Variants in SCLT1 observed in about 807,000 individuals in gnomAD.
The protein encoded by SCLT1 is sodium channel and clathrin linker 1.
SCLT1 carries 78 observed loss-of-function variants against 112.8 expected under a neutral mutation model. The observed-to-expected ratio is 0.69, with a 90% CI of 0.58 to 0.83. The LOEUF (loss-of-function observed/expected upper bound fraction) is 0.83. Among genes scored for constraint, SCLT1 ranks in the 40% least tolerant of loss-of-function variants. The probability of loss-of-function intolerance (pLI) is 0.00; values close to 1 mark genes in which losing one functional copy is unlikely to be tolerated. For missense variants in SCLT1, 747 were observed against 770.4 expected (o/e 0.97, Z 0.36); for synonymous variants, 257 against 254.7 (o/e 1.01, Z -0.09).
chr4:129,058,036 A>G (rs1245103078), intron 2 of SCLT1, among the ~76,000 whole-genome samples: 3 of 152,212 alleles, frequency 2.0e-5, no homozygotes, highest in Non-Finnish European at 2.9e-5. Context: ...GGCATGAGCC[A>G]TCATGCCTGG....
intron 9 of SCLT1, among the ~76,000 whole-genome samples, chr4:128,987,792 T>G (rs1742230691): frequency 6.6e-6 from 1 of 152,062 alleles, no homozygotes; most frequent in African/African-American, 2.4e-5. Flanking sequence ...AACAGAGAAC[T>G]TTCCAAACCC....
intron 18 of SCLT1, among the ~76,000 whole-genome samples, chr4:128,904,511 C>T (rs2125938923): frequency 6.6e-6 from 1 of 152,160 alleles, no homozygotes; most frequent in East Asian, 1.9e-4. Flanking sequence ...TCAGATTAGA[C>T]CATTGTTGGA....
intron 18 of SCLT1, among the ~76,000 whole-genome samples, chr4:128,896,220 A>G (rs1337313931): frequency 6.6e-6 from 1 of 152,242 alleles, no homozygotes; most frequent in African/African-American, 2.4e-5. Context: ...TGGAGATCTG[A>G]GAACAGACAG....
intron 14 of SCLT1, among the ~76,000 whole-genome samples, chr4:128,951,934 C>A (rs2126002273): frequency 6.6e-6 from 1 of 152,226 alleles, no homozygotes; most frequent in East Asian, 1.9e-4. Flanking sequence ...AAAATGTGAT[C>A]CCTCTTTCAG....
intron 2 of SCLT1, among the ~76,000 whole-genome samples, chr4:129,080,765 G>A (rs892210780): frequency 6.6e-6 from 1 of 152,086 alleles, no homozygotes; most frequent in African/African-American, 2.4e-5. Flanking sequence ...CCCATTCACT[G>A]GTACAAATTT....
In SCLT1 at chr4:129,048,035, G is replaced by A. The variant is rs1561012751; in HGVS notation, c.103-3984C>T. ...TTGCCTTTCTTGCTTATGCCTTTGA[G>A]GTCTTCTCCATAAAACCTTTACCCA... On this transcript the variant is annotated intron_variant, in intron 2 of 20. Transcript: ENST00000281142. Among the ~76,000 whole-genome samples, 3 of 152,062 alleles carry A rather than the reference G, an allele frequency of 2.0e-5. No homozygotes were observed. In the South Asian group the frequency reaches 6.2e-4, roughly 32 times the overall value.
chr4:128,963,215 C>G (rs1053068806), intron 11 of SCLT1, among the ~76,000 whole-genome samples: 3 of 152,088 alleles, frequency 2.0e-5, no homozygotes, highest in Admixed American at 2.0e-4. Flanking sequence ...TAAGTGATGC[C>G]TTTCAGTCAG....
intron 5 of SCLT1, among the ~76,000 whole-genome samples, chr4:129,022,334 T>TA (rs1002881365): frequency 6.6e-6 from 1 of 151,922 alleles, no homozygotes; most frequent in African/African-American, 2.4e-5. Flanking sequence ...AGGTGGGTAA[T>TA]AAAAAAACTC....
intron 5 of SCLT1, among the ~76,000 whole-genome samples, chr4:129,006,634 A>AT (rs1003521211): frequency 6.6e-6 from 1 of 151,892 alleles, no homozygotes; most frequent in Non-Finnish European, 1.5e-5. Context: ...TTGCAAGGTC[A>AT]TTTTTTTAAT....
chr4:128,945,768 A>G (rs1738099468), intron 16 of SCLT1, among the ~76,000 whole-genome samples: 1 of 152,164 alleles, frequency 6.6e-6, no homozygotes, highest in South Asian at 2.1e-4. Context: ...TAAACATCCT[A>G]TTTAACTGCC....
At chr4:129,004,230 G>C (rs1185210172) in intron 5 of SCLT1, among the ~76,000 whole-genome samples, 1 of 151,990 alleles carries the variant, frequency 6.6e-6, no homozygotes, top group African/African-American at 2.4e-5. Context: ...AAATATCTAT[G>C]TATATCTAGT....
At chr4:129,048,677 T>TC (rs1748438368) in intron 2 of SCLT1, among the ~76,000 whole-genome samples, 2 of 152,032 alleles carry the variant, frequency 1.3e-5, no homozygotes, top group African/African-American at 4.8e-5. Context: ...GAAACTACCC[T>TC]CACAGTGAAC....
chr4:128,898,086 AC>A (rs1473613720), intron 18 of SCLT1, among the ~76,000 whole-genome samples: 2 of 152,086 alleles, frequency 1.3e-5, no homozygotes, highest in Non-Finnish European at 2.9e-5. Context: ...AGACTTTAAC[AC>A]CCCACTGTCA....
chr4:129,023,942 C>G (rs566109678), intron 5 of SCLT1, among the ~76,000 whole-genome samples: 6 of 152,190 alleles, frequency 3.9e-5, no homozygotes, highest in African/African-American at 1.4e-4. Context: ...ATTGCTAGCA[C>G]AGCAGTATTG....
chr4:128,901,801 A>G (rs76563771), intron 18 of SCLT1, among the ~76,000 whole-genome samples: 2,298 of 152,270 alleles, frequency 0.015, 47 homozygotes, highest in African/African-American at 0.047. Context: ...TATTTTATGT[A>G]TAAGAGATTT....
At chr4:129,040,314 T>C in intron 4 of SCLT1, 1 of 650,876 alleles carries the variant, frequency 1.5e-6, no homozygotes, top group Admixed American at 2.1e-5. Context: ...GAAAGACAGG[T>C]ACAGGGTTTT....
chr4:129,040,917 T>C (rs3099903), intron 4 of SCLT1, among the ~76,000 whole-genome samples: 85,051 of 152,002 alleles, frequency 0.56, 25,729 homozygotes, highest in South Asian at 0.68. Flanking sequence ...TAGTTTATTT[T>C]TCTCTTGTAA....
At chr4:128,914,192 C>T (rs1050275933) in intron 18 of SCLT1, among the ~76,000 whole-genome samples, 4 of 151,936 alleles carry the variant, frequency 2.6e-5, no homozygotes, top group African/African-American at 9.7e-5. Context: ...GGTGAAACCC[C>T]GTCTCTACTA....
In SCLT1 at chr4:128,899,913, C is replaced by T. The variant is rs886534917; in HGVS notation, c.1830-8776G>A. 1.4e-4 allele frequency among the ~76,000 whole-genome samples: 22 copies of T among 152,228 alleles called. No homozygotes were observed. The South Asian group carries it at 2.3e-3, about 16-fold the overall frequency. Reference sequence around the variant, plus strand: ...AACAGAGAGCCAAATCATGAGTGAACTCCCATTCACAATTGCTTCAAAGAG... The same window carrying T: ...AACAGAGAGCCAAATCATGAGTGAATTCCCATTCACAATTGCTTCAAAGAG... On this transcript the variant is annotated intron_variant, in intron 18 of 20. Coordinates refer to ENST00000281142, the MANE Select transcript of SCLT1 (RefSeq NM_144643.4).
Sources: allele counts gnomAD v4.1 joint callset (sites outside exome capture counted in the v4.1 genomes callset), GRCh38; gene constraint gnomAD v4.1.1; transcripts MANE v1.5; gene names NCBI Gene and HGNC (gene_info 2026-07-23, HGNC 2026-07-21).